The following QPRT variants were observed in gnomAD, a reference collection of about 807,000 sequenced individuals.
The protein encoded by QPRT is nicotinate-nucleotide pyrophosphorylase [carboxylating].
Under a neutral mutation model 19.8 loss-of-function variants are expected in QPRT, and 17 were observed. The ratio of observed to expected loss-of-function variants is 0.86; its 90% CI spans 0.59 to 1.29. QPRT has a LOEUF of 1.29. Among genes scored for constraint, QPRT ranks in the 50% most tolerant of loss-of-function variants. The pLI is 0.00. For missense variants in QPRT, 336 were observed against 405.1 expected (o/e 0.83, Z 1.46); for synonymous variants, 178 against 191.0 (o/e 0.93, Z 0.56).
intron 2 of QPRT, among the ~76,000 whole-genome samples, chr16:29,695,615 G>A (rs942514209): frequency 6.8e-6 from 1 of 146,524 alleles, no homozygotes; most frequent in Non-Finnish European, 1.5e-5. Flanking sequence ...TCCGCCTCCC[G>A]AGTAGCTGGG....
chr16:29,693,226 ATTCT>A (rs1567331653), intron 1 of QPRT, among the ~76,000 whole-genome samples: 1 of 152,056 alleles, frequency 6.6e-6, no homozygotes, highest in Non-Finnish European at 1.5e-5. Flanking sequence ...GGTCTTATTC[ATTCT>A]TTCTATTTTT....
At chr16:29,680,223 T>A (rs1311565110) in intron 1 of QPRT, among the ~76,000 whole-genome samples, 1 of 152,088 alleles carries the variant, frequency 6.6e-6, no homozygotes, top group Non-Finnish European at 1.5e-5. Flanking sequence ...CCCAAAGTGC[T>A]GGGATTACAG....
Position 29,694,953 on chromosome 16 carries a change from A to G in QPRT, c.303A>G (p.Glu101=), listed in dbSNP as rs2142311484. 6.2e-7 allele frequency: 1 copy of G among 1,611,190 alleles called. No individual in the cohort carries two copies. Among genetic ancestry groups the G allele is most frequent in the East Asian group, 2.2e-5 (1 of 44,868 alleles). Residue 101 remains glutamate (E), a synonymous_variant, in exon 2 of 4, where the codon GAA becomes GAG. Coordinates refer to ENST00000395384, the MANE Select transcript of QPRT (RefSeq NM_014298.6). ...RGPAHCLLLG[E]RVALNTLARC... is the part of the protein sequence containing the mutation. ...CTGCCCACTGCCTGCTGCTGGGGGAACGGGTGGCCCTCAACACGCTGGCCC... is the reference window on the plus strand; with the variant it reads ...CTGCCCACTGCCTGCTGCTGGGGGAGCGGGTGGCCCTCAACACGCTGGCCC...
chr16:29,689,371 G>C (rs1294001376), intron 1 of QPRT, among the ~76,000 whole-genome samples: 3 of 151,234 alleles, frequency 2.0e-5, no homozygotes, highest in Non-Finnish European at 3.0e-5. Context: ...CTGGGATTAC[G>C]GGCATGAGCC....
At chr16:29,682,307 G>A (rs1283245142) in intron 1 of QPRT, among the ~76,000 whole-genome samples, 1 of 151,724 alleles carries the variant, frequency 6.6e-6, no homozygotes, top group Admixed American at 6.6e-5. Flanking sequence ...CAAAAGTGTT[G>A]GGATTACAGG....
chr16:29,694,656 C>G lies in QPRT; in HGVS notation c.14-8C>G. The G allele has an allele frequency of 4.6e-6, 7 of 1,515,114 alleles. No individual in the cohort carries two copies. The highest frequency in any genetic ancestry group is 6.2e-6 in the Non-Finnish European group (7 of 1,131,878). The allele number at this position is 1,515,114 out of a possible 1,614,324, so 93.9% of individuals were successfully genotyped here. The stretch of plus-strand genomic sequence containing the variant: ...CCAAACTCAACAGCTGTTCTCTCTT[C>G]CCCCCAGGCCTGGCGCTGCTGCTGC... On this transcript the variant is annotated splice_region_variant and splice_polypyrimidine_tract_variant and intron_variant, in intron 1 of 3. Coordinates refer to ENST00000395384, the MANE Select transcript of QPRT (RefSeq NM_014298.6).
chr16:29,696,464 G>A (rs1967535983), intron 2 of QPRT: 1 of 151,214 alleles, frequency 6.6e-6, no homozygotes, highest in Admixed American at 6.6e-5. Flanking sequence ...TCCAGCCTGG[G>A]CGACAGAGCG....
At chr16:29,693,655 C>T (rs986431583) in intron 1 of QPRT, among the ~76,000 whole-genome samples, 3 of 152,056 alleles carry the variant, frequency 2.0e-5, no homozygotes, top group South Asian at 2.1e-4. Context: ...GGCGTGACCT[C>T]GGCTCACTGC....
Position 29,695,558 on chromosome 16 carries a change from C to T in QPRT, c.549+359C>T, listed in dbSNP as rs1243187970. On this transcript the variant is annotated intron_variant, in intron 2 of 3. Transcript: ENST00000395384. Reference sequence around the variant, plus strand: ...AGGCTGGAGTGAAGTGATGCAATCTCGGCTCACTGGAACCTCTGCCTCCTG... The same window carrying T: ...AGGCTGGAGTGAAGTGATGCAATCTTGGCTCACTGGAACCTCTGCCTCCTG... Among the ~76,000 whole-genome samples, 4 of 142,378 alleles carry T rather than the reference C, an allele frequency of 2.8e-5. No individual in the cohort carries two copies. In the East Asian group the frequency reaches 8.4e-4, roughly 30 times the overall value. 93.4% of individuals were successfully genotyped at this position (142,378 alleles called of 152,430 possible).
upstream of QPRT, chr16:29,679,068 G>T (rs1309597185): frequency 6.5e-7 from 1 of 1,535,414 alleles, no homozygotes. Context: ...GAGGCTTGGG[G>T]AGCCTGGGAA....
chr16:29,688,300 G>A (rs973208471), intron 1 of QPRT, among the ~76,000 whole-genome samples: 1 of 152,116 alleles, frequency 6.6e-6, no homozygotes, highest in African/African-American at 2.4e-5. Context: ...CTGGGGGAGA[G>A]TGGAGAATGA....
intron 1 of QPRT, among the ~76,000 whole-genome samples, chr16:29,686,130 A>C (rs1405418198): frequency 6.6e-6 from 1 of 151,948 alleles, no homozygotes; most frequent in South Asian, 2.1e-4. Context: ...AAAGTGCTGG[A>C]ATTACAGGTG....
chr16:29,681,441 G>A (rs942834237), intron 1 of QPRT, among the ~76,000 whole-genome samples: 1 of 150,952 alleles, frequency 6.6e-6, no homozygotes, highest in Non-Finnish European at 1.5e-5. Context: ...GTGAGAACAC[G>A]GTTACGCATT....
At chr16:29,686,723 C>G (rs1967173604) in intron 1 of QPRT, among the ~76,000 whole-genome samples, 1 of 152,040 alleles carries the variant, frequency 6.6e-6, no homozygotes. Context: ...CCAGGCTGGT[C>G]TTGAACTCCT....
intron 1 of QPRT, among the ~76,000 whole-genome samples, chr16:29,687,909 G>A (rs773735950): frequency 1.3e-5 from 2 of 151,888 alleles, no homozygotes; most frequent in Non-Finnish European, 2.9e-5. Flanking sequence ...ATGAGCCCGG[G>A]AGTTCAAGGC....
intron 2 of QPRT, 69 bp from the exon 3 acceptor site, chr16:29,696,927 C>A: frequency 6.7e-7 from 1 of 1,499,982 alleles, no homozygotes; most frequent in East Asian, 2.3e-5. Flanking sequence ...CTCGCCCTCC[C>A]GGCTCCCTGC....
At chr16:29,679,159 G>A (rs751329846), upstream of QPRT, 1 of 1,613,672 alleles carries the variant, frequency 6.2e-7, no homozygotes, top group African/African-American at 1.3e-5. Flanking sequence ...CCTTGGTCCT[G>A]AGCAGCCAAC....
chr16:29,694,532 C>CT, intron 1 of QPRT, 132 bp from the exon 2 acceptor site: 1 of 981,638 alleles, frequency 1.0e-6, no homozygotes, highest in Non-Finnish European at 1.4e-6. Flanking sequence ...ACCGCAGTCC[C>CT]CCCCCTGGGA....
intron 1 of QPRT, among the ~76,000 whole-genome samples, chr16:29,688,366 G>A (rs1967224059): frequency 6.6e-6 from 1 of 152,094 alleles, no homozygotes; most frequent in Non-Finnish European, 1.5e-5. Context: ...GACTGGCTAA[G>A]CTGACTTAGC....
Sources: allele counts gnomAD v4.1 joint callset (sites outside exome capture counted in the v4.1 genomes callset), GRCh38; gene constraint gnomAD v4.1.1; transcripts MANE v1.5; gene names NCBI Gene and HGNC (gene_info 2026-07-23, HGNC 2026-07-21).